The following PDE10A variants were observed in gnomAD, a reference collection of about 807,000 sequenced individuals.
PDE10A encodes the protein cAMP and cAMP-inhibited cGMP 3',5'-cyclic phosphodiesterase 10A.
Under a neutral mutation model 97.7 loss-of-function variants are expected in PDE10A, and 39 were observed. That is an observed-to-expected ratio of 0.40 (90% CI 0.31 to 0.52). The LOEUF (loss-of-function observed/expected upper bound fraction) is 0.52, where lower values mean the gene tolerates loss of function less well. Ranked by LOEUF, PDE10A falls within the 20% of genes least tolerant of loss-of-function variation. The pLI, the probability that PDE10A is intolerant of heterozygous loss-of-function variation, is 0.56. For missense variants in PDE10A, 731 were observed against 1,047.8 expected (o/e 0.70, Z 4.17); for synonymous variants, 371 against 376.8 (o/e 0.98, Z 0.18).
chr6:165,720,315 T>C (rs4235953), intron 1 of PDE10A, among the ~76,000 whole-genome samples: 106,143 of 151,940 alleles, frequency 0.7, 38,503 homozygotes, highest in African/African-American at 0.9. Context: ...TTGCAGCATG[T>C]CCTGCTATCA....
chr6:165,784,165 A>G (rs1030792303), intron 1 of PDE10A, among the ~76,000 whole-genome samples: 9 of 151,810 alleles, frequency 5.9e-5, no homozygotes, highest in African/African-American at 2.2e-4. Context: ...GGTTGCAGTG[A>G]GCCAAGATGA....
chr6:165,920,765 T>C (rs940101341), intron 1 of PDE10A, among the ~76,000 whole-genome samples: 3 of 152,368 alleles, frequency 2.0e-5, no homozygotes, highest in South Asian at 2.1e-4. Flanking sequence ...TGTTTGTTCA[T>C]TTATTTGCTT....
intron 16 of PDE10A, among the ~76,000 whole-genome samples, chr6:165,389,489 G>C (rs1287104836): frequency 6.6e-6 from 1 of 152,172 alleles, no homozygotes; most frequent in Non-Finnish European, 1.5e-5. Flanking sequence ...GAGGGGTCAA[G>C]TATGACCTCA....
chr6:165,470,468 G>A (rs1389162377), intron 3 of PDE10A, among the ~76,000 whole-genome samples: 1 of 152,138 alleles, frequency 6.6e-6, no homozygotes, highest in Non-Finnish European at 1.5e-5. Flanking sequence ...ACTTTGTCCT[G>A]AAAAAGACTG....
chr6:165,896,109 G>A (rs1044789046), intron 1 of PDE10A, among the ~76,000 whole-genome samples: 2 of 152,168 alleles, frequency 1.3e-5, no homozygotes, highest in African/African-American at 4.8e-5. Context: ...GGAAGGAACT[G>A]GGCTTTGATA....
chr6:165,759,120 C>T (rs892816849), intron 1 of PDE10A, among the ~76,000 whole-genome samples: 16 of 152,076 alleles, frequency 1.1e-4, no homozygotes, highest in African/African-American at 3.9e-4. Context: ...CTATGAGATC[C>T]GCTACTTTAA....
chr6:165,692,487 A>G (rs1246475573), intron 1 of PDE10A, among the ~76,000 whole-genome samples: 1 of 151,896 alleles, frequency 6.6e-6, no homozygotes, highest in East Asian at 1.9e-4. Flanking sequence ...AGCCTCTGGG[A>G]CTCTGGCCCA....
chr6:165,823,384 G>T (rs1583147183), intron 1 of PDE10A, among the ~76,000 whole-genome samples: 1 of 149,008 alleles, frequency 6.7e-6, no homozygotes, highest in Admixed American at 6.7e-5. Context: ...TTGTCCCATT[G>T]GAAGGTCTTC....
At chr6:165,381,511 G>T (rs1322755310) in intron 17 of PDE10A, among the ~76,000 whole-genome samples, 3 of 151,954 alleles carry the variant, frequency 2.0e-5, no homozygotes, top group African/African-American at 7.3e-5. Flanking sequence ...GTCTCGCTCT[G>T]TCACCAGGCT....
At chr6:165,925,562 A>C (rs2128489391) in intron 1 of PDE10A, among the ~76,000 whole-genome samples, 1 of 152,382 alleles carries the variant, frequency 6.6e-6, no homozygotes, top group South Asian at 2.1e-4. Flanking sequence ...TCAGTGACAA[A>C]CACACAACTT....
At chr6:165,609,014 T>C (rs1474993803) in intron 1 of PDE10A, among the ~76,000 whole-genome samples, 2 of 152,232 alleles carry the variant, frequency 1.3e-5, no homozygotes, top group Non-Finnish European at 2.9e-5. Context: ...ATTAGCCCTT[T>C]GTCAGATGAG....
At chr6:165,802,991 G>A (rs1779022028) in intron 1 of PDE10A, among the ~76,000 whole-genome samples, 1 of 152,190 alleles carries the variant, frequency 6.6e-6, no homozygotes, top group Admixed American at 6.5e-5. Context: ...GTTCCCAGAT[G>A]TCAGGGCTTT....
chr6:165,579,494 T>C (rs999929531), intron 1 of PDE10A, among the ~76,000 whole-genome samples: 2 of 152,194 alleles, frequency 1.3e-5, no homozygotes, highest in African/African-American at 4.8e-5. Flanking sequence ...ATCCATACCA[T>C]TAAGCAGTCC....
At chr6:165,902,410 C>T (rs190992560) in intron 1 of PDE10A, among the ~76,000 whole-genome samples, 2 of 152,210 alleles carry the variant, frequency 1.3e-5, no homozygotes, top group African/African-American at 2.4e-5. Flanking sequence ...GATCAGCTGA[C>T]TGTTTTTTAT....
chr6:165,343,277 AC>A, intron 19 of PDE10A, 113 bp downstream of exon 19: 2 of 744,224 alleles, frequency 2.7e-6, no homozygotes, highest in Non-Finnish European at 4.7e-6. Context: ...TATGTGACTC[AC>A]CACAGTTCTC....
At chr6:165,745,441 A>C (rs1344538393) in intron 1 of PDE10A, among the ~76,000 whole-genome samples, 1 of 152,234 alleles carries the variant, frequency 6.6e-6, no homozygotes, top group African/African-American at 2.4e-5. Flanking sequence ...GAAAACTATC[A>C]GTTCTGATAC....
intron 2 of PDE10A, among the ~76,000 whole-genome samples, chr6:165,482,663 T>G (rs1028515095): frequency 6.6e-6 from 1 of 152,172 alleles, no homozygotes; most frequent in African/African-American, 2.4e-5. Context: ...GTGGGGTTTA[T>G]AACACTTCAA....
At chr6:165,903,684 T>C (rs1782178793) in intron 1 of PDE10A, among the ~76,000 whole-genome samples, 1 of 151,970 alleles carries the variant, frequency 6.6e-6, no homozygotes, top group Admixed American at 6.6e-5. Context: ...ATTATTTTCA[T>C]AAAGAAGGTG....
intron 1 of PDE10A, among the ~76,000 whole-genome samples, chr6:165,563,159 A>C (rs971395186): frequency 6.6e-6 from 1 of 150,396 alleles, no homozygotes; most frequent in South Asian, 2.1e-4. Context: ...GAATACAGGA[A>C]AAAAAAGAAG....
Sources: allele counts gnomAD v4.1 joint callset (sites outside exome capture counted in the v4.1 genomes callset), GRCh38; gene constraint gnomAD v4.1.1; transcripts MANE v1.5; gene names NCBI Gene and HGNC (gene_info 2026-07-23, HGNC 2026-07-21).